The following TEX11 variants were observed in gnomAD, a reference collection of about 807,000 sequenced individuals.
TEX11 encodes testis-expressed protein 11.
TEX11 carries 7 observed loss-of-function variants against 84.4 expected under a neutral mutation model. The observed-to-expected ratio is 0.08, with a 90% CI of 0.05 to 0.16. The LOEUF (loss-of-function observed/expected upper bound fraction) is 0.16. Among genes scored for constraint, TEX11 ranks in the 10% least tolerant of loss-of-function variants. TEX11 has a pLI of 1.00. For synonymous variants in TEX11, 264 were observed against 222.8 expected, an observed-to-expected ratio of 1.18 and a Z score of -1.64; for missense variants, 551 against 660.5, an observed-to-expected ratio of 0.83 and a Z score of 1.82.
intron 16 of TEX11, among the ~76,000 whole-genome samples, chrX:70,659,978 G>C (rs1286491753): frequency 3.6e-5 from 4 of 112,128 alleles, no homozygotes; most frequent in Non-Finnish European, 7.5e-5. Flanking sequence ...TGACTATATG[G>C]TATAGCCCAT....
At chrX:70,579,396 G>A (rs1490137851) in intron 25 of TEX11, among the ~76,000 whole-genome samples, 1 of 107,850 alleles carries the variant, frequency 9.3e-6, no homozygotes, top group Non-Finnish European at 1.9e-5. Context: ...TCGGGAGGCT[G>A]AGGCAGGAGA....
At chrX:70,614,728 A>C (rs1341401628) in intron 20 of TEX11, among the ~76,000 whole-genome samples, 1 of 111,532 alleles carries the variant, frequency 9.0e-6, no homozygotes, top group Non-Finnish European at 1.9e-5. Context: ...TGTTGGCTTC[A>C]AGTCTGACCC....
At chrX:70,556,072 A>C (rs1045318721) in intron 25 of TEX11, among the ~76,000 whole-genome samples, 1 of 111,526 alleles carries the variant, frequency 9.0e-6, no homozygotes, top group Non-Finnish European at 1.9e-5. Flanking sequence ...AGAAAAAAAA[A>C]CTTTTGGTTT....
At chrX:70,887,397 A>G (rs141025081) in intron 2 of TEX11, among the ~76,000 whole-genome samples, 2,876 of 111,429 alleles carry the variant, frequency 0.026, 43 homozygotes, top group Non-Finnish European at 0.041. Flanking sequence ...CTGACTGAAG[A>G]GCCCTTGGGC....
At chrX:70,560,094 A>C (rs193007438) in intron 25 of TEX11, among the ~76,000 whole-genome samples, 5 of 110,273 alleles carry the variant, frequency 4.5e-5, no homozygotes, top group Non-Finnish European at 9.5e-5. Flanking sequence ...GATGCTGAGC[A>C]TCTTTTCCTT....
intron 25 of TEX11, among the ~76,000 whole-genome samples, chrX:70,560,230 G>T (rs974047119): frequency 1.9e-5 from 2 of 108,076 alleles, no homozygotes; most frequent in African/African-American, 3.4e-5. Context: ...AGCTGACCGT[G>T]ACCTCCGCTT....
chrX:70,850,841 G>T (rs2091504599), intron 7 of TEX11, among the ~76,000 whole-genome samples: 1 of 110,860 alleles, frequency 9.0e-6, no homozygotes, highest in Admixed American at 9.7e-5. Flanking sequence ...AGGCCAAGGT[G>T]AGAGGACTGC....
intron 24 of TEX11, among the ~76,000 whole-genome samples, chrX:70,602,124 C>T (rs1420073586): frequency 8.0e-5 from 9 of 111,896 alleles, no homozygotes; most frequent in Non-Finnish European, 1.5e-4. Flanking sequence ...CGGGCAGAAG[C>T]GCCCCTCACC....
the TEX11 span, among the ~76,000 whole-genome samples, chrX:70,515,323 G>T: frequency 2.2e-5 from 2 of 89,323 alleles, no homozygotes; most frequent in African/African-American, 4.2e-5. Flanking sequence ...CACTGTGTCC[G>T]AGTCTTCTCA....
At chrX:70,730,346 A>G (rs947165114) in intron 11 of TEX11, among the ~76,000 whole-genome samples, 1 of 112,003 alleles carries the variant, frequency 8.9e-6, no homozygotes. Flanking sequence ...CAATTAAAAG[A>G]CACAGACTGG....
rs373851294 is a variant in TEX11 at position 70,821,022 on chromosome X, T to C, written c.606+12491A>G. Among the ~76,000 whole-genome samples, 113 of 111,745 alleles carry C rather than the reference T, an allele frequency of 1.0e-3. No individual in the cohort carries two copies. In the South Asian group the frequency reaches 0.016, roughly 16 times the overall value. ...CAAGTGGGATTGCATCAAACTAAAA[T>C]GCTTCTGCACAGCAAAGAAACCCCA... On this transcript the variant is annotated intron_variant, in intron 8 of 29. Transcript: ENST00000374333.
intron 9 of TEX11, among the ~76,000 whole-genome samples, 185 bp downstream of exon 9, chrX:70,806,520 C>T (rs1012274516): frequency 2.7e-5 from 3 of 110,189 alleles, no homozygotes; most frequent in Non-Finnish European, 1.9e-5. Flanking sequence ...AGGAAGAACA[C>T]ATTTTTCTAT....
At chrX:70,572,736 C>T (rs1174037039) in intron 25 of TEX11, among the ~76,000 whole-genome samples, 3 of 106,776 alleles carry the variant, frequency 2.8e-5, no homozygotes, top group Non-Finnish European at 5.8e-5. Flanking sequence ...TCATTCTCAG[C>T]AAACTATCGC....
chrX:70,748,909 T>G (rs1245497561), intron 9 of TEX11, among the ~76,000 whole-genome samples: 2 of 104,070 alleles, frequency 1.9e-5, no homozygotes, highest in African/African-American at 7.2e-5. Context: ...TGCGGGCTCT[T>G]TTTTGGTTCC....
intron 3 of TEX11, among the ~76,000 whole-genome samples, chrX:70,874,395 CTTTTTTT>C (rs34210812): frequency 2.1e-4 from 10 of 48,066 alleles, no homozygotes; most frequent in Admixed American, 1.7e-3. Flanking sequence ...TGATGACTTC[CTTTTTTT>C]TTTTTTTTTT....
chrX:70,531,424 C>T (rs939200373), intron 28 of TEX11, among the ~76,000 whole-genome samples: 1 of 111,765 alleles, frequency 8.9e-6, no homozygotes, highest in Non-Finnish European at 1.9e-5. Context: ...GGCAGGGAGC[C>T]CCTTGAAGGT....
In TEX11 at chrX:70,750,929, AAAAAAT is replaced by A. The variant is rs1488368504; in HGVS notation, c.693-6716_693-6711del. ...TAAAACTTAAAGTATAATAAAAAAA[AAAAAAT>A]ATATATATATATATATATATATATA... On this transcript the variant is annotated intron_variant, in intron 9 of 29. Transcript: ENST00000374333. Among the ~76,000 whole-genome samples the A allele has an allele frequency of 1.9e-4, 5 of 26,680 alleles. 1 individual carries two copies. Among genetic ancestry groups the A allele is most frequent in the Admixed American group, 1.3e-3 (3 of 2,265 alleles). 23.2% of individuals were successfully genotyped at this position (26,680 alleles called of 115,157 possible).
chrX:70,714,796 A>G (rs2090480378), intron 13 of TEX11, among the ~76,000 whole-genome samples: 1 of 111,630 alleles, frequency 9.0e-6, no homozygotes, highest in Non-Finnish European at 1.9e-5. Context: ...ATTTACATTT[A>G]AGGTTAATAT....
In TEX11 at chrX:70,552,036, C is replaced by A. The variant is rs1001317715; in HGVS notation, c.2520+90G>T. 10 of 951,514 alleles carry A rather than the reference C, an allele frequency of 1.1e-5. No homozygotes were observed. The African/African-American group carries it at 2.0e-4, about 19-fold the overall frequency. The allele number at this position is 951,514 out of a possible 1,213,427, so 78.4% of individuals were successfully genotyped here. ...TATGAATTTATCCTAAAACTCATAT[C>A]AGAAAGCATTATTGTATATAATTTA... On this transcript the variant is annotated intron_variant, in intron 28 of 29. Transcript: ENST00000374333.
Sources: allele counts gnomAD v4.1 joint callset (sites outside exome capture counted in the v4.1 genomes callset), GRCh38; gene constraint gnomAD v4.1.1; transcripts MANE v1.5; gene names NCBI Gene and HGNC (gene_info 2026-07-23, HGNC 2026-07-21).